The following TET2 variants were observed in gnomAD, a reference collection of about 807,000 sequenced individuals.
TET2 encodes tet methylcytosine dioxygenase 2.
TET2 carries 299 observed loss-of-function variants against 142.9 expected under a neutral mutation model. The observed-to-expected ratio is 2.09, with a 90% CI of 1.90 to 2.30. The LOEUF (loss-of-function observed/expected upper bound fraction) is 2.30. TET2 is among the 30% of genes most tolerant of loss of function. TET2 has a pLI of 0.00. For missense variants in TET2, 2,418 were observed against 2,378.0 expected (o/e 1.02, Z -0.35); for synonymous variants, 819 against 849.0 (o/e 0.96, Z 0.61).
chr4:105,216,568 G>A (rs565291703), intron 2 of TET2, among the ~76,000 whole-genome samples: 1 of 152,132 alleles, frequency 6.6e-6, no homozygotes, highest in African/African-American at 2.4e-5. Context: ...GATATTTGAA[G>A]TGTTTATTGC....
chr4:105,208,552 A>G (rs1278672020), intron 2 of TET2, among the ~76,000 whole-genome samples: 3 of 152,184 alleles, frequency 2.0e-5, no homozygotes, highest in African/African-American at 7.2e-5. Context: ...ACAACAAGTT[A>G]AAAAATTTAA....
At chr4:105,252,506 G>A (rs1019554375) in intron 6 of TET2, among the ~76,000 whole-genome samples, 1 of 152,180 alleles carries the variant, frequency 6.6e-6, no homozygotes, top group African/African-American at 2.4e-5. Context: ...GTGGACAAAA[G>A]TTTTCAGCTC....
intron 2 of TET2, among the ~76,000 whole-genome samples, chr4:105,203,571 A>G (rs995437787): frequency 4.6e-5 from 7 of 151,094 alleles, no homozygotes; most frequent in Admixed American, 2.0e-4. Context: ...AATACATTAC[A>G]TTACACAGAA....
chr4:105,241,759 C>G (rs1193712972), intron 4 of TET2: 1 of 1,252,814 alleles, frequency 8.0e-7, no homozygotes, highest in Non-Finnish European at 1.0e-6. Flanking sequence ...CTGGCTTTCC[C>G]ACCTGATAAT....
At position 105,279,180 on chromosome 4, in the gene TET2, T is replaced by A. The variant is rs1205414616; in HGVS notation, c.*2661T>A. 1 of 232,440 alleles carries A rather than the reference T, an allele frequency of 4.3e-6. No individual in the cohort carries two copies. The highest frequency in any genetic ancestry group is 2.2e-5 in the African/African-American group (1 of 45,330). 14.4% of individuals were successfully genotyped at this position (232,440 alleles called of 1,614,324 possible). ...TAATATCTAGCCCCAAACATTTGAT[T>A]ACTACATGTGCATTGGTGATTTTGA... On this transcript the variant is annotated 3_prime_UTR_variant, in exon 11 of 11. Transcript: ENST00000380013.
rs776939268 is a variant in TET2 at position 105,236,868 on chromosome 4, C to T, written c.2926C>T (p.Gln976Ter). ...QQPQTESCHS[Q>*]MHRPIKVEPG... The stretch of plus-strand genomic sequence containing the variant: ...ACCCCAAACTGAGTCTTGCCATAGT[C>T]AGATGCACAGGCCAATTAAGGTGGA... The change falls in exon 3 of 11, where the codon CAG (glutamine) becomes TAG (stop). Residue 976 changes from glutamine to a stop codon, truncating the protein, a stop_gained. Coordinates refer to ENST00000380013, the MANE Select transcript of TET2 (RefSeq NM_001127208.3). LOFTEE classifies it high-confidence loss of function. 4 of 1,614,108 alleles carry T rather than the reference C, an allele frequency of 2.5e-6. No individual in the cohort carries two copies. The highest frequency in any genetic ancestry group is 2.5e-6 in the Non-Finnish European group (3 of 1,180,002).
intron 6 of TET2, among the ~76,000 whole-genome samples, chr4:105,251,037 AT>A (rs1414933448): frequency 6.6e-6 from 1 of 152,128 alleles, no homozygotes; most frequent in African/African-American, 2.4e-5. Context: ...GCAAAATCAA[AT>A]TTTTTGTTGA....
At chr4:105,148,287 T>C (rs1343019656) in intron 1 of TET2, among the ~76,000 whole-genome samples, 1 of 152,236 alleles carries the variant, frequency 6.6e-6, no homozygotes, top group Non-Finnish European at 1.5e-5. Flanking sequence ...GAGGGAGTTC[T>C]CCCTTCTTCA....
chr4:105,251,126 A>G (rs10006632), intron 6 of TET2, among the ~76,000 whole-genome samples: 13,374 of 152,096 alleles, frequency 0.088, 1,711 homozygotes, highest in African/African-American at 0.28. Flanking sequence ...TATTAGCACT[A>G]ACTTTTTTTG....
At chr4:105,179,751 A>G (rs1381180870) in intron 1 of TET2, among the ~76,000 whole-genome samples, 4 of 152,156 alleles carry the variant, frequency 2.6e-5, no homozygotes, top group African/African-American at 4.8e-5. Flanking sequence ...GGCATAAACC[A>G]CTAGAGTATT....
chr4:105,277,796 G>A lies in TET2; in HGVS notation c.*1277G>A, dbSNP rs921721290. On this transcript the variant is annotated 3_prime_UTR_variant, in exon 11 of 11. Transcript: ENST00000380013. ...TGCAGGTAATAATTAGCTGCATGCT[G>A]CAGACTCAACAAAGCTAGTTCACTG... The A allele has an allele frequency of 2.2e-5, 5 of 227,022 alleles. No individual in the cohort carries two copies. The highest frequency in any genetic ancestry group is 5.7e-5 in the Admixed American group (1 of 17,552). 14.1% of individuals were successfully genotyped at this position (227,022 alleles called of 1,614,324 possible).
chr4:105,185,640 G>A (rs962249097), intron 1 of TET2, among the ~76,000 whole-genome samples: 2 of 152,186 alleles, frequency 1.3e-5, no homozygotes, highest in Non-Finnish European at 2.9e-5. Flanking sequence ...TTAGCCAGGC[G>A]TGGGGGCATG....
chr4:105,252,085 C>A (rs1405605179), intron 6 of TET2, among the ~76,000 whole-genome samples: 4 of 152,148 alleles, frequency 2.6e-5, no homozygotes, highest in Admixed American at 1.3e-4. Context: ...GTTATGTATT[C>A]TGTGAGTCTG....
intron 6 of TET2, among the ~76,000 whole-genome samples, chr4:105,255,036 A>AT (rs1390678647): frequency 6.6e-6 from 1 of 152,084 alleles, no homozygotes; most frequent in Non-Finnish European, 1.5e-5. Flanking sequence ...GAGGGCAGTG[A>AT]TTTTCCCTGT....
Position 105,276,529 on chromosome 4 carries a change from C to G in TET2, c.*10C>G, listed in dbSNP as rs1430983591. ...CAACAGATATATATGATATCACCCCCTTTTGTTGGTTACCTCACTTGAAAA... is the reference window on the plus strand; with the variant it reads ...CAACAGATATATATGATATCACCCCGTTTTGTTGGTTACCTCACTTGAAAA... On this transcript the variant is annotated 3_prime_UTR_variant, in exon 11 of 11. Transcript: ENST00000380013. The G allele has an allele frequency of 3.9e-6, 6 of 1,543,098 alleles. No homozygotes were observed. The highest frequency in any genetic ancestry group is 1.4e-5 in the African/African-American group (1 of 72,716).
intron 1 of TET2, among the ~76,000 whole-genome samples, chr4:105,178,938 G>A (rs1225810251): frequency 2.0e-5 from 3 of 152,176 alleles, no homozygotes; most frequent in Non-Finnish European, 4.4e-5. Context: ...TAGCATGGCT[G>A]GGGAGGTCTC....
intron 6 of TET2, 55 bp downstream of exon 6, chr4:105,243,833 A>G (rs763384583): frequency 8.6e-5 from 128 of 1,480,160 alleles, no homozygotes; most frequent in Non-Finnish European, 1.0e-4. Context: ...GGAAAGCCCA[A>G]TCTTTGGTTG....
In TET2 at chr4:105,158,092, G is replaced by T. The variant is rs13434399; in HGVS notation, c.-193+11113G>T. 3.0e-3 allele frequency among the ~76,000 whole-genome samples: 461 copies of T among 152,208 alleles called. 4 individuals carry two copies. The highest frequency in any genetic ancestry group is 0.01 in the African/African-American group (428 of 41,532). ...TCAACTAATTTTTTAAACATATATT[G>T]TAATTTTAAAACATTTTTACCAACA... On this transcript the variant is annotated intron_variant, in intron 1 of 10. Coordinates refer to ENST00000380013, the MANE Select transcript of TET2 (RefSeq NM_001127208.3).
At chr4:105,211,478 GC>G (rs1410089167) in intron 2 of TET2, among the ~76,000 whole-genome samples, 1 of 152,180 alleles carries the variant, frequency 6.6e-6, no homozygotes, top group Non-Finnish European at 1.5e-5. Flanking sequence ...GTCCAGTCCA[GC>G]CCCCTGAGGT....
Sources: gnomAD v4.1 joint callset for allele counts (sites outside exome capture counted in the v4.1 genomes callset) on GRCh38, gnomAD v4.1.1 for gene constraint, MANE v1.5 for transcripts, NCBI Gene and HGNC (gene_info 2026-07-23, HGNC 2026-07-21) for gene names.